Variants in STEAP1B observed in about 807,000 individuals in gnomAD.
STEAP1B encodes the protein STEAP family protein MGC87042.
A neutral mutation model predicts 27.9 loss-of-function variants in STEAP1B; 13 were observed. The observed-to-expected ratio is 0.47, with a 90% CI of 0.30 to 0.74. The LOEUF is 0.74. STEAP1B is among the 30% of genes least tolerant of loss of function. STEAP1B has a pLI of 0.06. For synonymous variants in STEAP1B, 86 were observed against 107.1 expected (o/e 0.80, Z 1.22); for missense variants, 250 against 298.7 (o/e 0.84, Z 1.20).
chr7:22,459,750 C>A (rs1454834419), intron 4 of STEAP1B, among the ~76,000 whole-genome samples: 1 of 152,168 alleles, frequency 6.6e-6, no homozygotes, highest in Non-Finnish European at 1.5e-5. Context: ...TAAACTTATG[C>A]CAGACTCCAT....
intron 4 of STEAP1B, among the ~76,000 whole-genome samples, chr7:22,432,893 T>C (rs1258032997): frequency 1.3e-5 from 2 of 152,198 alleles, no homozygotes; most frequent in African/African-American, 4.8e-5. Flanking sequence ...CAGCCTCGTC[T>C]CTTGTTAGAG....
chr7:22,423,980 G>C (rs1315528757), intron 4 of STEAP1B, among the ~76,000 whole-genome samples: 3 of 152,128 alleles, frequency 2.0e-5, no homozygotes, highest in Non-Finnish European at 4.4e-5. Context: ...AGTGAGCCGT[G>C]ATCATGCAAC....
chr7:22,456,972 A>ATATTTTTTTTTTTT, intron 4 of STEAP1B, among the ~76,000 whole-genome samples: 3 of 57,040 alleles, frequency 5.3e-5, no homozygotes, highest in African/African-American at 2.1e-4. Context: ...ATATATATAT[A>ATATTTTTTTTTTTT]TTTTTTTTTT....
At chr7:22,490,626 G>C (rs892637950) in intron 4 of STEAP1B, among the ~76,000 whole-genome samples, 2 of 152,218 alleles carry the variant, frequency 1.3e-5, no homozygotes, top group Admixed American at 6.5e-5. Flanking sequence ...ACACCTAGGA[G>C]TGTTTATCCA....
At position 22,492,457 on chromosome 7, in the gene STEAP1B, T is replaced by C. The variant is rs187297841; in HGVS notation, c.762+108A>G. The C allele has an allele frequency of 5.0e-5, 70 of 1,402,202 alleles. No individual in the cohort carries two copies. The African/African-American group carries it at 8.7e-4, about 17-fold the overall frequency. 86.9% of individuals were successfully genotyped at this position (1,402,202 alleles called of 1,614,324 possible). The stretch of plus-strand genomic sequence containing the variant: ...TTAACTGGAACAAGTACAAGATCTT[T>C]GCTGTTGAAAAACATTTGTTATTTT... On this transcript the variant is annotated intron_variant, in intron 4 of 4. Coordinates refer to ENST00000678116, the MANE Select transcript of STEAP1B (RefSeq NM_001382447.1).
In STEAP1B at chr7:22,479,722, T is replaced by C. The variant is rs189430639; in HGVS notation, c.762+12843A>G. On this transcript the variant is annotated intron_variant, in intron 4 of 4. Coordinates refer to ENST00000678116, the MANE Select transcript of STEAP1B (RefSeq NM_001382447.1). ...TTTTCTGAGATAGACTCCCACTCTG[T>C]TACCCAGGCTGAAGTACAGTGGTGT... is the stretch of plus-strand genomic sequence containing the variant. Among the ~76,000 whole-genome samples, 4 of 142,780 alleles carry C rather than the reference T, an allele frequency of 2.8e-5. No individual in the cohort carries two copies. In the East Asian group the frequency reaches 8.7e-4, roughly 31 times the overall value. The allele number at this position is 142,780 out of a possible 152,430, so 93.7% of individuals were successfully genotyped here. A position where few individuals can be genotyped will look rare whatever the true frequency, so the allele number is the denominator to read the frequency against.
At chr7:22,438,420 TA>T in intron 4 of STEAP1B, 1 of 1,472,910 alleles carries the variant, frequency 6.8e-7, no homozygotes, top group Non-Finnish European at 9.0e-7. Context: ...TTCCAGCTTC[TA>T]CCATGGTCTG....
chr7:22,483,360 C>A (rs1786119973), intron 4 of STEAP1B, among the ~76,000 whole-genome samples: 2 of 152,166 alleles, frequency 1.3e-5, no homozygotes, highest in Non-Finnish European at 2.9e-5. Context: ...CATTTTTACT[C>A]AGATTACAAA....
chr7:22,494,429 CTTTT>C (rs5882846), intron 2 of STEAP1B, among the ~76,000 whole-genome samples: 1 of 145,754 alleles, frequency 6.9e-6, no homozygotes, highest in East Asian at 2.0e-4. Context: ...GCATTGATGA[CTTTT>C]TTTTTTTTTT....
At chr7:22,445,241 G>T (rs1785391829) in intron 4 of STEAP1B, among the ~76,000 whole-genome samples, 1 of 152,198 alleles carries the variant, frequency 6.6e-6, no homozygotes, top group Non-Finnish European at 1.5e-5. Flanking sequence ...GGGTTCTCTT[G>T]GGCCAACAGC....
At position 22,424,336 on chromosome 7, in the gene STEAP1B, T is replaced by C. The variant is rs141470650; in HGVS notation, c.763-4500A>G. Among the ~76,000 whole-genome samples, 228 of 152,272 alleles carry C rather than the reference T, an allele frequency of 1.5e-3. 1 individual carries two copies. The highest frequency in any genetic ancestry group is 5.1e-3 in the African/African-American group (213 of 41,570). ...ATAAAAACATAGTAAGATCTCAATA[T>C]GTAAATAACAAAGGGCATGAACAAA... On this transcript the variant is annotated intron_variant, in intron 4 of 4. Coordinates refer to ENST00000678116, the MANE Select transcript of STEAP1B (RefSeq NM_001382447.1).
At chr7:22,481,404 AAG>A (rs1309939637) in intron 4 of STEAP1B, among the ~76,000 whole-genome samples, 1 of 152,154 alleles carries the variant, frequency 6.6e-6, no homozygotes, top group East Asian at 1.9e-4. Context: ...CTTCTTACAG[AAG>A]AGAAAGCAGA....
chr7:22,463,588 G>C (rs1170838601), intron 4 of STEAP1B, among the ~76,000 whole-genome samples: 1 of 152,106 alleles, frequency 6.6e-6, no homozygotes, highest in African/African-American at 2.4e-5. Flanking sequence ...AAACAGCATG[G>C]TACTGGTACC....
chr7:22,468,803 C>T (rs553366044), intron 4 of STEAP1B, among the ~76,000 whole-genome samples: 2 of 152,262 alleles, frequency 1.3e-5, no homozygotes, highest in East Asian at 1.9e-4. Context: ...CATCTTGTGA[C>T]GTCATAGCCA....
rs556193840 is a variant in STEAP1B at position 22,454,624 on chromosome 7, G to A, written c.763-34788C>T. Reference sequence around the variant, plus strand: ...GGCTGCTGGAGAGGCTGCACATGCTGCAGTTGCTGGAGAAGCCATGTGTAT... The same window carrying A: ...GGCTGCTGGAGAGGCTGCACATGCTACAGTTGCTGGAGAAGCCATGTGTAT... On this transcript the variant is annotated intron_variant, in intron 4 of 4. Coordinates refer to ENST00000678116, the MANE Select transcript of STEAP1B (RefSeq NM_001382447.1). Among the ~76,000 whole-genome samples the A allele has an allele frequency of 2.0e-5, 3 of 152,076 alleles. No homozygotes were observed. The South Asian group carries it at 6.2e-4, about 32-fold the overall frequency.
At chr7:22,456,972 A>ATATAT in intron 4 of STEAP1B, among the ~76,000 whole-genome samples, 5 of 57,046 alleles carry the variant, frequency 8.8e-5, no homozygotes, top group Admixed American at 2.0e-4. Flanking sequence ...ATATATATAT[A>ATATAT]TTTTTTTTTT....
chr7:22,452,332 A>T (rs1240167130), intron 4 of STEAP1B, among the ~76,000 whole-genome samples: 1 of 152,116 alleles, frequency 6.6e-6, no homozygotes, highest in Non-Finnish European at 1.5e-5. Flanking sequence ...CAATTTGCTC[A>T]TATTTGTGTG....
At chr7:22,438,342 A>C in intron 4 of STEAP1B, 1 of 950,706 alleles carries the variant, frequency 1.1e-6, no homozygotes. Context: ...TTATTTTTCT[A>C]CATAATACTG....
intron 4 of STEAP1B, among the ~76,000 whole-genome samples, chr7:22,454,473 C>T (rs926594287): frequency 2.0e-5 from 3 of 152,070 alleles, no homozygotes; most frequent in South Asian, 2.1e-4. Context: ...CATTGTTGTA[C>T]CTGAGACACT....
Sources: gnomAD v4.1 joint callset for allele counts (sites outside exome capture counted in the v4.1 genomes callset) on GRCh38, gnomAD v4.1.1 for gene constraint, MANE v1.5 for transcripts, NCBI Gene and HGNC (gene_info 2026-07-23, HGNC 2026-07-21) for gene names.